Variants in MYRFL observed in about 807,000 individuals in gnomAD.
The protein encoded by MYRFL is myelin regulatory factor like, also known as myelin regulatory factor-like protein.
In MYRFL, 88 loss-of-function variants were observed where a neutral mutation model predicts 109.4. The ratio of observed to expected loss-of-function variants is 0.80; its 90% CI spans 0.68 to 0.96. The LOEUF is 0.96. MYRFL is among the 40% of genes least tolerant of loss of function. MYRFL has a pLI of 0.00. For synonymous variants in MYRFL, 324 were observed against 320.9 expected (o/e 1.01, Z -0.10); for missense variants, 957 against 954.9 (o/e 1.00, Z -0.03).
chr12:69,912,144 A>G (rs1330768836), intron 13 of MYRFL, among the ~76,000 whole-genome samples: 1 of 152,242 alleles, frequency 6.6e-6, no homozygotes, highest in Non-Finnish European at 1.5e-5. Flanking sequence ...GCAAGAGCAC[A>G]GTGGCAGAAG....
At chr12:69,888,935 G>T (rs1886621674) in intron 6 of MYRFL, among the ~76,000 whole-genome samples, 1 of 152,102 alleles carries the variant, frequency 6.6e-6, no homozygotes, top group South Asian at 2.1e-4. Context: ...TCTTTTTGCT[G>T]CTGGTAGGCA....
intron 2 of MYRFL, among the ~76,000 whole-genome samples, chr12:69,863,718 C>T (rs969744800): frequency 1.3e-5 from 2 of 152,162 alleles, no homozygotes; most frequent in Non-Finnish European, 2.9e-5. Context: ...ATTACATTGA[C>T]CCAAGCATTT....
intron 19 of MYRFL, among the ~76,000 whole-genome samples, chr12:69,947,366 A>T (rs185603521): frequency 3.1e-4 from 47 of 152,254 alleles, no homozygotes; most frequent in African/African-American, 9.6e-4. Flanking sequence ...TCATGTCATT[A>T]TTCTTCTTTT....
intron 13 of MYRFL, among the ~76,000 whole-genome samples, chr12:69,920,444 C>G (rs534308335): frequency 6.6e-6 from 1 of 152,290 alleles, no homozygotes; most frequent in Non-Finnish European, 1.5e-5. Flanking sequence ...AACACTATGA[C>G]CTTTCAGTGC....
rs372134445 is a variant in MYRFL at position 69,895,311 on chromosome 12, A to T, written c.981-60A>T. On this transcript the variant is annotated intron_variant, in intron 8 of 24. Transcript: ENST00000552032. ...AGAGTCTGAAAGTGGATTAGATATG[A>T]TCAGAGATTTGGTGTTCTCTTATAG... 8.1e-6 allele frequency: 10 copies of T among 1,233,056 alleles called. No individual in the cohort carries two copies. In the African/African-American group the frequency reaches 9.1e-5, roughly 11 times the overall value. 76.4% of individuals were successfully genotyped at this position (1,233,056 alleles called of 1,614,324 possible). A position where few individuals can be genotyped will look rare whatever the true frequency, so the allele number is the denominator to read the frequency against.
chr12:69,903,520 C>T, intron 10 of MYRFL, 124 bp from the exon 11 acceptor site: 1 of 1,100,146 alleles, frequency 9.1e-7, no homozygotes, highest in Non-Finnish European at 1.3e-6. Flanking sequence ...ATGTCCCACT[C>T]AATACAGGAT....
chr12:69,917,114 C>T (rs1954757738), intron 13 of MYRFL, among the ~76,000 whole-genome samples: 1 of 152,146 alleles, frequency 6.6e-6, no homozygotes. Context: ...CAGATGATCT[C>T]ATCATTTGGG....
chr12:69,828,438 CATTA>C (rs1882421560), intron 1 of MYRFL, among the ~76,000 whole-genome samples: 3 of 152,040 alleles, frequency 2.0e-5, no homozygotes, highest in Non-Finnish European at 2.9e-5. Flanking sequence ...CTGGTCCCTT[CATTA>C]ATTAAGTAGT....
chr12:69,956,576 T>TATC (rs1404762763), intron 22 of MYRFL, among the ~76,000 whole-genome samples: 5 of 151,818 alleles, frequency 3.3e-5, no homozygotes, highest in African/African-American at 1.2e-4. Flanking sequence ...CTTCCTTTTC[T>TATC]ATCACTCTTT....
intron 15 of MYRFL, among the ~76,000 whole-genome samples, chr12:69,928,877 G>T (rs866537574): frequency 1.3e-5 from 2 of 152,192 alleles, no homozygotes; most frequent in Admixed American, 6.5e-5. Flanking sequence ...AGAGGGAATG[G>T]TATCCACATC....
At chr12:69,836,087 G>A (rs1314330621) in intron 1 of MYRFL, among the ~76,000 whole-genome samples, 3 of 152,190 alleles carry the variant, frequency 2.0e-5, no homozygotes, top group African/African-American at 7.2e-5. Flanking sequence ...GAAGTAGCTC[G>A]CAGCAGGTGG....
At chr12:69,886,753 G>T (rs1886478434) in intron 5 of MYRFL, 67 bp from the exon 6 acceptor site, 2 of 1,515,428 alleles carry the variant, frequency 1.3e-6, no homozygotes, top group Non-Finnish European at 8.8e-7. Context: ...TCAGCTTCAT[G>T]CTGCTAGCTG....
At chr12:69,842,028 C>T (rs1883275307) in intron 1 of MYRFL, among the ~76,000 whole-genome samples, 1 of 152,216 alleles carries the variant, frequency 6.6e-6, no homozygotes, top group South Asian at 2.1e-4. Flanking sequence ...GGTTACACAG[C>T]TAAGTCTCAG....
intron 16 of MYRFL, 130 bp downstream of exon 16, chr12:69,932,728 C>T (rs1955306524): frequency 1.6e-6 from 1 of 638,574 alleles, no homozygotes; most frequent in Non-Finnish European, 2.7e-6. Flanking sequence ...AGACACTGAA[C>T]TCTGATAGCA....
chr12:69,903,650 A>G lies in MYRFL; in HGVS notation c.1189A>G (p.Asn397Asp). 1 of 1,535,862 alleles carries G rather than the reference A, an allele frequency of 6.5e-7. No individual in the cohort carries two copies. The highest frequency in any genetic ancestry group is 8.7e-7 in the Non-Finnish European group (1 of 1,146,694). ...TATTTATGTATTTTTCCAGGCCTCT[A>G]ACCCTGGGCAGTTTGAAAATGACAG... Reference protein sequence around the residue: ...ISERIIVRASNPGQFENDSDA... With the variant: ...ISERIIVRASDPGQFENDSDA... The change falls in exon 11 of 25, where the codon AAC becomes GAC. Residue 397 changes from asparagine to aspartate, a missense_variant. By Grantham distance (23) the Asn-to-Asp change is conservative (BLOSUM62 1). Transcript: ENST00000552032.
intron 1 of MYRFL, among the ~76,000 whole-genome samples, chr12:69,834,249 A>G (rs1321813376): frequency 6.6e-6 from 1 of 152,222 alleles, no homozygotes; most frequent in East Asian, 1.9e-4. Flanking sequence ...TATAAGAAAC[A>G]AATGTCATAT....
chr12:69,876,768 G>T (rs1052699632), intron 2 of MYRFL, among the ~76,000 whole-genome samples: 7 of 152,242 alleles, frequency 4.6e-5, no homozygotes, highest in African/African-American at 1.7e-4. Context: ...TGGGAAATCT[G>T]CTTGGATACA....
intron 6 of MYRFL, among the ~76,000 whole-genome samples, chr12:69,889,760 A>G (rs766409909): frequency 6.6e-6 from 1 of 152,056 alleles, no homozygotes; most frequent in Non-Finnish European, 1.5e-5. Flanking sequence ...GGAGGCAGAG[A>G]CAGGGAGAAT....
chr12:69,954,865 G>A lies in MYRFL; in HGVS notation c.2376-498G>A, dbSNP rs918357009. On this transcript the variant is annotated intron_variant, in intron 21 of 24. Transcript: ENST00000552032. ...TTGCAATCTTCTCCATTACTAAATG[G>A]TAATTAGAATTATAACAATTTTAGC... Among the ~76,000 whole-genome samples the A allele has an allele frequency of 5.3e-5, 8 of 152,250 alleles. No homozygotes were observed. In the East Asian group the frequency reaches 5.8e-4, roughly 11 times the overall value.
Sources: allele counts gnomAD v4.1 joint callset (sites outside exome capture counted in the v4.1 genomes callset), GRCh38; gene constraint gnomAD v4.1.1; transcripts MANE v1.5; gene names NCBI Gene and HGNC (gene_info 2026-07-23, HGNC 2026-07-21).